The following LARP4B variants were observed in gnomAD, a reference collection of about 807,000 sequenced individuals.
LARP4B encodes la-related protein 4B.
LARP4B carries 12 observed loss-of-function variants against 89.8 expected under a neutral mutation model. The observed-to-expected ratio is 0.13, with a 90% CI of 0.09 to 0.22. The LOEUF (loss-of-function observed/expected upper bound fraction) is 0.22. Ranked by LOEUF, LARP4B falls within the 10% of genes least tolerant of loss-of-function variation. The pLI is 1.00. For missense variants in LARP4B, 757 were observed against 947.7 expected, an observed-to-expected ratio of 0.80 and a Z score of 2.64; for synonymous variants, 367 against 363.3, an observed-to-expected ratio of 1.01 and a Z score of -0.12.
chr10:884,368 T>C, intron 3 of LARP4B, 79 bp downstream of exon 3: 1 of 1,023,886 alleles, frequency 9.8e-7, no homozygotes, highest in Non-Finnish European at 1.5e-6. Flanking sequence ...TTTGTTACAA[T>C]AAACATTTTT....
intron 5 of LARP4B, among the ~76,000 whole-genome samples, chr10:861,800 C>G (rs1834629710): frequency 6.6e-6 from 1 of 152,192 alleles, no homozygotes. Context: ...ATTCTGACCC[C>G]AGTTCAAGAT....
intron 1 of LARP4B, among the ~76,000 whole-genome samples, chr10:913,139 G>A (rs761479237): frequency 6.6e-6 from 1 of 152,150 alleles, no homozygotes; most frequent in Non-Finnish European, 1.5e-5. Flanking sequence ...TCACCTGAGA[G>A]TCATGTCTTT....
intron 1 of LARP4B, among the ~76,000 whole-genome samples, chr10:917,082 C>T (rs1178159758): frequency 6.6e-6 from 1 of 152,156 alleles, no homozygotes; most frequent in Non-Finnish European, 1.5e-5. Context: ...CTCTAATAAA[C>T]TGTTGTGTTC....
chr10:888,247 G>A (rs2131943164), intron 1 of LARP4B, among the ~76,000 whole-genome samples: 1 of 151,952 alleles, frequency 6.6e-6, no homozygotes, highest in Non-Finnish European at 1.5e-5. Context: ...TTGAACTTGA[G>A]AGAGACAGAG....
the LARP4B span, among the ~76,000 whole-genome samples, chr10:982,758 TAGCTTAAAATA>T: frequency 6.6e-6 from 1 of 152,090 alleles, no homozygotes; most frequent in African/African-American, 2.4e-5. Context: ...AAAATGAGAA[TAGCTTAAAATA>T]AAAAAGTGGT....
chr10:882,650 C>T (rs1271217302), intron 3 of LARP4B, among the ~76,000 whole-genome samples: 1 of 152,194 alleles, frequency 6.6e-6, no homozygotes, highest in African/African-American at 2.4e-5. Context: ...ATAGAGATCA[C>T]TTTTTTGTGT....
chr10:814,479 T>C lies in LARP4B; in HGVS notation c.1929+263A>G. 1 of 573,234 alleles carries C rather than the reference T, an allele frequency of 1.7e-6. No homozygotes were observed. Among genetic ancestry groups the C allele is most frequent in the Admixed American group, 3.2e-5 (1 of 31,696 alleles). The allele number at this position is 573,234 out of a possible 1,614,324, so 35.5% of individuals were successfully genotyped here. ...TATGGAGAAACAGGAGCTGGGGTCT[T>C]GTTACTACTCAAGAAACCTCTATTG... On this transcript the variant is annotated intron_variant, in intron 17 of 17. Coordinates refer to ENST00000316157, the MANE Select transcript of LARP4B (RefSeq NM_015155.3). The surrounding 1 kb of genome is among the most constrained non-coding windows in gnomAD (Gnocchi z 4.4).
chr10:915,687 C>T (rs1836799890), intron 1 of LARP4B, among the ~76,000 whole-genome samples: 1 of 151,612 alleles, frequency 6.6e-6, no homozygotes, highest in African/African-American at 2.4e-5. Flanking sequence ...GCCTGTAGTC[C>T]CAGCTACTCA....
intron 5 of LARP4B, among the ~76,000 whole-genome samples, chr10:847,189 C>T (rs989336801): frequency 4.6e-5 from 7 of 152,038 alleles, no homozygotes; most frequent in Non-Finnish European, 1.5e-5. Flanking sequence ...ATGGGCTGCC[C>T]GGGGTGGCTT....
chr10:948,289 G>A, the LARP4B span, among the ~76,000 whole-genome samples: 1 of 152,174 alleles, frequency 6.6e-6, no homozygotes, highest in African/African-American at 2.4e-5. Context: ...CTTGTGTATT[G>A]TATCTGGAGT....
chr10:825,175 A>T lies in LARP4B; in HGVS notation c.1374T>A (p.Gly458=). 6.2e-7 allele frequency: 1 copy of T among 1,614,138 alleles called. No individual in the cohort carries two copies. Among genetic ancestry groups the T allele is most frequent in the Middle Eastern group, 1.6e-4 (1 of 6,062 alleles). ...GGTTTTGAATCCGTGTTCTAGTTTGACCTGCTTGCCTTGTTTGTGGACTCC... is the reference window on the plus strand; with the variant it reads ...GGTTTTGAATCCGTGTTCTAGTTTGTCCTGCTTGCCTTGTTTGTGGACTCC... The part of the protein sequence containing the change: ...GVRSPQTRQA[G]QTRTRIQNPS... The change falls in exon 13 of 18, where the codon GGT becomes GGA. Residue 458 remains glycine, a synonymous_variant. Transcript: ENST00000316157.
chr10:959,380 A>G, the LARP4B span, among the ~76,000 whole-genome samples: 1 of 128,622 alleles, frequency 7.8e-6, no homozygotes, highest in Admixed American at 7.7e-5. Context: ...CTCCTCATCA[A>G]TCCCACCTCC....
chr10:853,372 A>G (rs895310603), intron 5 of LARP4B, among the ~76,000 whole-genome samples: 1 of 152,170 alleles, frequency 6.6e-6, no homozygotes, highest in African/African-American at 2.4e-5. Context: ...AAAAAACTAC[A>G]ATACCTTCAT....
chr10:901,406 CTTACAATAGAA>C (rs1836341677), intron 1 of LARP4B, among the ~76,000 whole-genome samples: 1 of 152,170 alleles, frequency 6.6e-6, no homozygotes. Flanking sequence ...ACATTTTTAT[CTTACAATAGAA>C]TAATGTGAGA....
chr10:916,672 G>A (rs901346931), intron 1 of LARP4B, among the ~76,000 whole-genome samples: 4 of 152,160 alleles, frequency 2.6e-5, no homozygotes, highest in African/African-American at 7.2e-5. Context: ...TCCAGCCTGG[G>A]CAACAAGAGT....
chr10:869,716 A>G (rs1835097288), intron 3 of LARP4B, among the ~76,000 whole-genome samples: 1 of 151,748 alleles, frequency 6.6e-6, no homozygotes, highest in Non-Finnish European at 1.5e-5. Flanking sequence ...GCGAAATCCC[A>G]TCTCTAAAAA....
intron 1 of LARP4B, among the ~76,000 whole-genome samples, chr10:923,775 A>C (rs1181032371): frequency 6.6e-6 from 1 of 152,218 alleles, no homozygotes; most frequent in South Asian, 2.1e-4. Flanking sequence ...CTAGGTTTTC[A>C]TCTCTGTATT....
chr10:829,336 A>G, intron 11 of LARP4B, 49 bp downstream of exon 11: 1 of 1,444,122 alleles, frequency 6.9e-7, no homozygotes, highest in Non-Finnish European at 9.3e-7. Flanking sequence ...CCTTCAAATT[A>G]TCTAGCATAG....
chr10:884,543 G>A, intron 2 of LARP4B, 37 bp from the exon 3 acceptor site: 1 of 1,370,120 alleles, frequency 7.3e-7, no homozygotes, highest in Admixed American at 1.8e-5. Flanking sequence ...TCAGTACAAT[G>A]TTTAAAAAGA....
Sources: gnomAD v4.1 joint callset for allele counts (sites outside exome capture counted in the v4.1 genomes callset) on GRCh38, gnomAD v4.1.1 for gene constraint, Gnocchi (gnomAD v3.1) non-coding constraint, MANE v1.5 for transcripts, NCBI Gene and HGNC (gene_info 2026-07-23, HGNC 2026-07-21) for gene names.